Variants in TET2 observed in about 807,000 individuals in gnomAD.
TET2 encodes the protein methylcytosine dioxygenase TET2.
Under a neutral mutation model 142.9 loss-of-function variants are expected in TET2, and 299 were observed. That is an observed-to-expected ratio of 2.09 (90% CI 1.90 to 2.30). The LOEUF is 2.30. Among genes scored for constraint, TET2 ranks in the 30% most tolerant of loss-of-function variants. The pLI, the probability that TET2 is intolerant of heterozygous loss-of-function variation, is 0.00. For synonymous variants in TET2, 819 were observed against 849.0 expected, an observed-to-expected ratio of 0.96 and a Z score of 0.61; for missense variants, 2,418 against 2,378.0, an observed-to-expected ratio of 1.02 and a Z score of -0.35.
Position 105,269,748 on chromosome 4 carries a change from G to A in TET2, c.4182+1G>A, listed in dbSNP as rs1164864545. 1 of 1,551,556 alleles carries A rather than the reference G, an allele frequency of 6.4e-7. No homozygotes were observed. The highest frequency in any genetic ancestry group is 8.7e-7 in the Non-Finnish European group (1 of 1,146,890). Reference sequence around the variant, plus strand: ...CAACATGCAGAATGGCAGCACATTGGTAAGTTGGGCTGAGGACAGCTTAGC... The same window carrying A: ...CAACATGCAGAATGGCAGCACATTGATAAGTTGGGCTGAGGACAGCTTAGC... On this transcript the variant is annotated splice_donor_variant, in intron 9 of 10. Transcript: ENST00000380013. LOFTEE classifies it high-confidence loss of function.
Position 105,259,723 on chromosome 4 carries a change from G to T in TET2, c.3908G>T (p.Ser1303Ile). Reference protein sequence around the residue: ...MYYNGCKFARSKIPRKFKLLG... With the variant: ...MYYNGCKFARIKIPRKFKLLG... ...TACAATGGATGTAAGTTTGCCAGAA[G>T]CAAGATCCCAAGGAAGTTTAAGCTG... The change falls in exon 7 of 11, where the codon AGC becomes ATC. Residue 1303 changes from serine (S) to isoleucine (I), a missense_variant. By Grantham distance (142) the Ser-to-Ile change is moderately radical (BLOSUM62 -2). Transcript: ENST00000380013. 6.4e-7 allele frequency: 1 copy of T among 1,551,068 alleles called. No homozygotes were observed. Among genetic ancestry groups the T allele is most frequent in the Non-Finnish European group, 8.7e-7 (1 of 1,146,562 alleles).
chr4:105,258,737 ACATT>A (rs1230994192), intron 6 of TET2, among the ~76,000 whole-genome samples: 34 of 152,290 alleles, frequency 2.2e-4, no homozygotes, highest in African/African-American at 7.2e-4. Flanking sequence ...CAATATACAT[ACATT>A]AATTTAAAAA....
intron 2 of TET2, among the ~76,000 whole-genome samples, chr4:105,224,689 T>TCTCTCTCTCTCC (rs1728070284): frequency 7.7e-6 from 1 of 129,566 alleles, no homozygotes; most frequent in Non-Finnish European, 1.6e-5. Context: ...AGCCAGTCTC[T>TCTCTCTCTCTCC]CTCTCTCTCT....
rs191428713 is a variant in TET2 at position 105,222,590 on chromosome 4, A to G, written c.-46-11307A>G. ...TGTTTTTTTCTTGTAAATTTGTTTGAGTTCTTTGTAGATTCTGGATATTAG... is the reference window on the plus strand; with the variant it reads ...TGTTTTTTTCTTGTAAATTTGTTTGGGTTCTTTGTAGATTCTGGATATTAG... On this transcript the variant is annotated intron_variant, in intron 2 of 10. Coordinates refer to ENST00000380013, the MANE Select transcript of TET2 (RefSeq NM_001127208.3). 1.8e-3 allele frequency among the ~76,000 whole-genome samples: 279 copies of G among 152,000 alleles called. 1 individual carries two copies. Among genetic ancestry groups the G allele is most frequent in the Non-Finnish European group, 2.8e-3 (190 of 67,976 alleles).
intron 1 of TET2, among the ~76,000 whole-genome samples, chr4:105,180,720 A>T (rs1725071413): frequency 6.6e-6 from 1 of 151,712 alleles, no homozygotes; most frequent in Admixed American, 6.6e-5. Context: ...CCTCACTGCA[A>T]CCTCCACCTC....
chr4:105,243,536 G>A (rs1729417088), intron 5 of TET2, 34 bp from the exon 6 acceptor site: 4 of 1,542,454 alleles, frequency 2.6e-6, no homozygotes, highest in Non-Finnish European at 3.5e-6. Flanking sequence ...GGTTGGGGTG[G>A]GGGGTGTTTG....
At position 105,235,468 on chromosome 4, in the gene TET2, C is replaced by A. The variant is rs771408533; in HGVS notation, c.1526C>A (p.Ser509Ter). ...TGTTCTGAGAAAACAAGACCAATGT[C>A]AGAACACCTCAAGCATAACCCACCA... ...PLCSEKTRPM[S>*]EHLKHNPPIF... The change falls in exon 3 of 11, where the codon TCA becomes TAA. Residue 509 changes from serine to a stop codon, truncating the protein, a stop_gained. Coordinates refer to ENST00000380013, the MANE Select transcript of TET2 (RefSeq NM_001127208.3). LOFTEE classifies it high-confidence loss of function. 6.2e-7 allele frequency: 1 copy of A among 1,614,132 alleles called. No homozygotes were observed. The highest frequency in any genetic ancestry group is 8.5e-7 in the Non-Finnish European group (1 of 1,180,020).
rs563913259 is a variant in TET2, at chr4:105,154,985, C to G, written c.-193+8006C>G. On this transcript the variant is annotated intron_variant, in intron 1 of 10. Coordinates refer to ENST00000380013, the MANE Select transcript of TET2 (RefSeq NM_001127208.3). ...GGCTGCAGTGAGCCATGTTGGTGCC[C>G]CCACACTTCAGCCTGGGTGACAAAA... Among the ~76,000 whole-genome samples, 18 of 152,066 alleles carry G rather than the reference C, an allele frequency of 1.2e-4. No homozygotes were observed. In the East Asian group the frequency reaches 3.5e-3, roughly 29 times the overall value.
chr4:105,156,588 A>G (rs2110361409), intron 1 of TET2, among the ~76,000 whole-genome samples: 1 of 152,338 alleles, frequency 6.6e-6, no homozygotes, highest in Non-Finnish European at 1.5e-5. Flanking sequence ...TAATGAGAAC[A>G]TTCACCCATC....
intron 4 of TET2, chr4:105,241,732 C>T: frequency 8.0e-7 from 1 of 1,257,232 alleles, no homozygotes. Context: ...GCACAGGCTC[C>T]AACGAGAGGT....
chr4:105,166,875 A>T lies in TET2; in HGVS notation c.-193+19896A>T, dbSNP rs575216842. On this transcript the variant is annotated intron_variant, in intron 1 of 10. Coordinates refer to ENST00000380013, the MANE Select transcript of TET2 (RefSeq NM_001127208.3). ...TTTCCCTATTCATATGTTTATTAGG[A>T]TCTTTATCTTTTCACTTCTGAAATT... Among the ~76,000 whole-genome samples the T allele has an allele frequency of 7.6e-4, 115 of 152,020 alleles. 9 individuals are homozygous for T. The South Asian group carries it at 0.023, about 30-fold the overall frequency.
At chr4:105,162,580 G>A (rs549380054) in intron 1 of TET2, among the ~76,000 whole-genome samples, 3 of 152,328 alleles carry the variant, frequency 2.0e-5, no homozygotes, top group Admixed American at 2.0e-4. Context: ...AACTGAAGGT[G>A]ACAAGCCCTG....
chr4:105,183,567 C>T (rs1725248614), intron 1 of TET2, among the ~76,000 whole-genome samples: 1 of 152,020 alleles, frequency 6.6e-6, no homozygotes, highest in Non-Finnish European at 1.5e-5. Context: ...CCTCAGTTTC[C>T]CTAAGTGATC....
chr4:105,156,924 C>T (rs4698933), intron 1 of TET2, among the ~76,000 whole-genome samples: 1 of 152,118 alleles, frequency 6.6e-6, no homozygotes, highest in Non-Finnish European at 1.5e-5. Context: ...TGTTTGAAGT[C>T]TCTTGCTTTG....
intron 1 of TET2, among the ~76,000 whole-genome samples, chr4:105,185,203 TTGTC>T (rs941264014): frequency 6.6e-6 from 1 of 152,018 alleles, no homozygotes; most frequent in African/African-American, 2.4e-5. Flanking sequence ...GAACGAAAAC[TTGTC>T]TGTCTCTAGG....
upstream of TET2, chr4:105,146,427 C>G (rs1032957099): frequency 6.6e-6 from 1 of 152,612 alleles, no homozygotes; most frequent in African/African-American, 2.4e-5. Context: ...AGCCCTGGCC[C>G]CTACTCCGCG....
chr4:105,255,391 A>G (rs914313721), intron 6 of TET2, among the ~76,000 whole-genome samples: 2 of 152,210 alleles, frequency 1.3e-5, no homozygotes, highest in Admixed American at 6.5e-5. Context: ...GACTTGTTTT[A>G]TAACTTGACA....
At position 105,240,294 on chromosome 4, in the gene TET2, C is replaced by A. The variant is rs1729222497; in HGVS notation, c.3410-1045C>A. The stretch of plus-strand genomic sequence containing the variant: ...ACAGTAACTGTGACTCACAAAAGAA[C>A]AAAGCACAATAAAACGAGGTATGCC... On this transcript the variant is annotated intron_variant, in intron 3 of 10. Transcript: ENST00000380013. 6.8e-6 allele frequency: 7 copies of A among 1,026,074 alleles called. No homozygotes were observed. The Admixed American group carries it at 2.8e-4, about 40-fold the overall frequency. 63.6% of individuals were successfully genotyped at this position (1,026,074 alleles called of 1,614,324 possible).
In TET2 at chr4:105,276,261, G is replaced by A. The variant is rs2110316364; in HGVS notation, c.5751G>A (p.Trp1917Ter). The change falls in exon 11 of 11, where the codon TGG becomes TGA. Residue 1917 changes from tryptophan to a stop codon, truncating the protein, a stop_gained. Coordinates refer to ENST00000380013, the MANE Select transcript of TET2 (RefSeq NM_001127208.3). LOFTEE classifies it high-confidence loss of function. ...AGCCAAAACATGGCTTGGCTCTTTGGGAAGCCAAAATGGCTGAAAAAGCCC... is the reference window on the plus strand; with the variant it reads ...AGCCAAAACATGGCTTGGCTCTTTGAGAAGCCAAAATGGCTGAAAAAGCCC... ...MNEPKHGLAL[W>*]EAKMAEKARE... 2 of 1,551,646 alleles carry A rather than the reference G, an allele frequency of 1.3e-6. No individual in the cohort carries two copies. Among genetic ancestry groups the A allele is most frequent in the Non-Finnish European group, 1.7e-6 (2 of 1,146,982 alleles).
Sources: gnomAD v4.1 joint callset for allele counts (sites outside exome capture counted in the v4.1 genomes callset) on GRCh38, gnomAD v4.1.1 for gene constraint, MANE v1.5 for transcripts, NCBI Gene and HGNC (gene_info 2026-07-23, HGNC 2026-07-21) for gene names.